Variants in CNTN5 observed in about 807,000 individuals in gnomAD.
CNTN5 encodes contactin-5.
In CNTN5, 77 loss-of-function variants were observed where a neutral mutation model predicts 129.1. That is an observed-to-expected ratio of 0.60 (90% CI 0.50 to 0.72). CNTN5 has a LOEUF of 0.72. CNTN5 is among the 30% of genes least tolerant of loss of function. CNTN5 has a pLI of 0.00. For missense variants in CNTN5, 1,478 were observed against 1,328.8 expected, an observed-to-expected ratio of 1.11 and a Z score of -1.75; for synonymous variants, 509 against 465.6, an observed-to-expected ratio of 1.09 and a Z score of -1.20.
chr11:100,324,068 A>G (rs1419403047), intron 21 of CNTN5, among the ~76,000 whole-genome samples: 1 of 152,200 alleles, frequency 6.6e-6, no homozygotes, highest in East Asian at 1.9e-4. Context: ...GTCAACCTAA[A>G]AGGAAGAAGC....
At chr11:100,338,613 G>C (rs1371815312) in intron 21 of CNTN5, among the ~76,000 whole-genome samples, 1 of 152,200 alleles carries the variant, frequency 6.6e-6, no homozygotes, top group Non-Finnish European at 1.5e-5. Context: ...TGACAGGAGT[G>C]ACCCCATTTA....
intron 3 of CNTN5, among the ~76,000 whole-genome samples, chr11:99,808,812 G>A (rs950129508): frequency 6.6e-6 from 1 of 152,052 alleles, no homozygotes; most frequent in Non-Finnish European, 1.5e-5. Context: ...TCCAACATGA[G>A]TTAGCTTGAA....
At chr11:99,112,073 T>C (rs1374523206) in intron 1 of CNTN5, among the ~76,000 whole-genome samples, 1 of 152,030 alleles carries the variant, frequency 6.6e-6, no homozygotes, top group East Asian at 1.9e-4. Context: ...GATAATTACA[T>C]TCAAGAAAGT....
intron 3 of CNTN5, among the ~76,000 whole-genome samples, chr11:99,735,960 C>T (rs1482945163): frequency 1.3e-5 from 2 of 152,168 alleles, no homozygotes; most frequent in Non-Finnish European, 2.9e-5. Flanking sequence ...TGACAACCAC[C>T]GTTCTGCTCT....
intron 21 of CNTN5, among the ~76,000 whole-genome samples, chr11:100,314,798 G>T (rs1951545611): frequency 6.6e-6 from 1 of 152,094 alleles, no homozygotes; most frequent in African/African-American, 2.4e-5. Flanking sequence ...CTGACTGCAG[G>T]TTCTCCTGAT....
chr11:99,740,651 C>T (rs1943859872), intron 3 of CNTN5, among the ~76,000 whole-genome samples: 1 of 152,132 alleles, frequency 6.6e-6, no homozygotes, highest in Non-Finnish European at 1.5e-5. Context: ...AGGCCCTAGC[C>T]ACACCCTCAG....
At chr11:99,621,712 A>G (rs1286060221) in intron 3 of CNTN5, among the ~76,000 whole-genome samples, 1 of 152,202 alleles carries the variant, frequency 6.6e-6, no homozygotes, top group Non-Finnish European at 1.5e-5. Flanking sequence ...TGCAACTGTA[A>G]CATTTCTTTA....
chr11:100,038,897 A>T (rs776819703), intron 9 of CNTN5, among the ~76,000 whole-genome samples: 32 of 152,132 alleles, frequency 2.1e-4, no homozygotes, highest in Non-Finnish European at 4.0e-4. Flanking sequence ...AATACAGCAC[A>T]CTGATGGGTC....
chr11:99,169,422 C>G (rs546622922), intron 1 of CNTN5, among the ~76,000 whole-genome samples: 59 of 142,962 alleles, frequency 4.1e-4, no homozygotes, highest in South Asian at 4.1e-3. Flanking sequence ...TCCACATATG[C>G]CCATAATACG....
intron 2 of CNTN5, among the ~76,000 whole-genome samples, chr11:99,407,970 G>GT (rs1478216139): frequency 2.0e-5 from 3 of 152,198 alleles, no homozygotes; most frequent in Non-Finnish European, 4.4e-5. Context: ...ATTCGGAACT[G>GT]TTTTTTCTAC....
At chr11:99,681,541 T>G (rs1953553323) in intron 3 of CNTN5, among the ~76,000 whole-genome samples, 1 of 152,078 alleles carries the variant, frequency 6.6e-6, no homozygotes, top group Admixed American at 6.6e-5. Flanking sequence ...ATGAAGTATT[T>G]TTTAATTAAG....
intron 3 of CNTN5, among the ~76,000 whole-genome samples, chr11:99,653,831 T>A (rs1044337163): frequency 6.6e-6 from 1 of 152,072 alleles, no homozygotes; most frequent in African/African-American, 2.4e-5. Flanking sequence ...TTCTTCATAA[T>A]GAACAGAGTA....
chr11:99,863,620 C>T (rs760220818), intron 6 of CNTN5, among the ~76,000 whole-genome samples: 1 of 152,178 alleles, frequency 6.6e-6, no homozygotes, highest in Non-Finnish European at 1.5e-5. Flanking sequence ...TTGTTGTACT[C>T]ATCTTAAAAG....
intron 2 of CNTN5, among the ~76,000 whole-genome samples, chr11:99,511,386 G>C (rs1386852418): frequency 1.3e-5 from 2 of 152,196 alleles, no homozygotes; most frequent in South Asian, 2.1e-4. Context: ...GTTCTAGTTT[G>C]ATTGCACTGT....
rs538329984 is a variant in CNTN5 at position 99,787,718 on chromosome 11, C to T, written c.56-31826C>T. Among the ~76,000 whole-genome samples, 8 of 152,010 alleles carry T rather than the reference C, an allele frequency of 5.3e-5. No individual in the cohort carries two copies. In the East Asian group the frequency reaches 5.8e-4, roughly 11 times the overall value. On this transcript the variant is annotated intron_variant, in intron 3 of 24. Transcript: ENST00000524871. ...AGATGACATAAAGTACATGATTTGT[C>T]TCTATTAACTTTGACCAGAACCAGA...
chr11:99,715,063 A>G (rs1310293739), intron 3 of CNTN5, among the ~76,000 whole-genome samples: 1 of 152,006 alleles, frequency 6.6e-6, no homozygotes, highest in African/African-American at 2.4e-5. Flanking sequence ...TGTGTTAGGA[A>G]TGAACAAGAT....
At chr11:99,333,210 A>G in intron 2 of CNTN5, among the ~76,000 whole-genome samples, 1 of 152,040 alleles carries the variant, frequency 6.6e-6, no homozygotes, top group East Asian at 1.9e-4. Context: ...TACTATTCAA[A>G]CAATTTTTTC....
chr11:99,367,278 C>A lies in CNTN5; in HGVS notation c.-71+41794C>A, dbSNP rs1939512460. On this transcript the variant is annotated intron_variant, in intron 2 of 24. Transcript: ENST00000524871. ...CATAATTATGCTGGAAAGTGAAATC[C>A]ATTGACTGTACTAAATTGGAAAATT... Among the ~76,000 whole-genome samples the A allele has an allele frequency of 2.0e-5, 3 of 152,052 alleles. No homozygotes were observed. The South Asian group carries it at 6.2e-4, about 32-fold the overall frequency.
intron 1 of CNTN5, among the ~76,000 whole-genome samples, chr11:99,299,844 CTG>C (rs1487286611): frequency 6.6e-6 from 1 of 152,066 alleles, no homozygotes; most frequent in Non-Finnish European, 1.5e-5. Context: ...TGAAATAGTG[CTG>C]TGAGAAACAT....
Sources: allele counts gnomAD v4.1 joint callset (sites outside exome capture counted in the v4.1 genomes callset), GRCh38; gene constraint gnomAD v4.1.1; transcripts MANE v1.5; gene names NCBI Gene and HGNC (gene_info 2026-07-23, HGNC 2026-07-21).